Variants in BNC2 observed in about 807,000 individuals in gnomAD.
The protein encoded by BNC2 is basonuclin zinc finger protein 2.
In BNC2, 20 loss-of-function variants were observed where a neutral mutation model predicts 76.3. The observed-to-expected ratio is 0.26, with a 90% CI of 0.18 to 0.38. The LOEUF is 0.38. Among genes scored for constraint, BNC2 ranks in the 10% least tolerant of loss-of-function variants. BNC2 has a pLI of 1.00. For missense variants in BNC2, 1,382 were observed against 1,399.8 expected, an observed-to-expected ratio of 0.99 and a Z score of 0.20; for synonymous variants, 582 against 514.8, an observed-to-expected ratio of 1.13 and a Z score of -1.77.
rs1010000491 is a variant in BNC2 at position 16,436,060 on chromosome 9, T to A, written c.2134A>T (p.Thr712Ser). ...CGCTCAGGTTCTTGGTCTTCAGAAGTCATGCTGTCGGCCCTCCTTATTTCA... is the reference window on the plus strand; with the variant it reads ...CGCTCAGGTTCTTGGTCTTCAGAAGACATGCTGTCGGCCCTCCTTATTTCA... ...RTEIRRADSM[T>S]SEDQEPERDY... The change falls in exon 6 of 7, where the codon ACT becomes TCT. Residue 712 changes from threonine (T) to serine (S), a missense_variant. Physicochemically the swap from Thr to Ser is moderately conservative, Grantham distance 58. Around this residue, in one of 3 missense-constraint regions of BNC2, gnomAD observed 798 missense variants for 775.5 expected, o/e 1.03. Transcript: ENST00000380672. 1.2e-6 allele frequency: 2 copies of A among 1,614,062 alleles called. No homozygotes were observed. Among genetic ancestry groups the A allele is most frequent in the Non-Finnish European group, 1.7e-6 (2 of 1,180,048 alleles).
At chr9:16,513,299 CTTTTTTTTTTTTTTTT>C (rs1202222924) in intron 5 of BNC2, among the ~76,000 whole-genome samples, 1 of 85,560 alleles carries the variant, frequency 1.2e-5, no homozygotes, top group African/African-American at 4.7e-5. Context: ...AGAAAAGGTT[CTTTTTTTTTTTTTTTT>C]TTTTTTTTTG....
At position 16,571,485 on chromosome 9, in the gene BNC2, G is replaced by A. The variant is rs181042580; in HGVS notation, c.433+11498C>T. 2.1e-3 allele frequency among the ~76,000 whole-genome samples: 314 copies of A among 152,020 alleles called. 3 individuals carry two copies. The highest frequency in any genetic ancestry group is 6.8e-3 in the African/African-American group (284 of 41,480). ...AGATAGCTACTCGGTTTATGTAGCCGAAAGCAGAACCACACAGCCGTTGCT... is the reference window on the plus strand; with the variant it reads ...AGATAGCTACTCGGTTTATGTAGCCAAAAGCAGAACCACACAGCCGTTGCT... On this transcript the variant is annotated intron_variant, in intron 4 of 6. Transcript: ENST00000380672.
intron 3 of BNC2, among the ~76,000 whole-genome samples, chr9:16,639,110 C>A (rs899253367): frequency 6.6e-6 from 1 of 152,032 alleles, no homozygotes; most frequent in Non-Finnish European, 1.5e-5. Flanking sequence ...TTAATGTGAA[C>A]TTAATAAGTT....
chr9:16,644,784 G>C (rs1004325057), intron 3 of BNC2, among the ~76,000 whole-genome samples: 3 of 152,220 alleles, frequency 2.0e-5, no homozygotes, highest in Admixed American at 2.0e-4. Flanking sequence ...GAGGGGATGA[G>C]CTTCCCAATG....
rs551540955 is a variant in BNC2, at chr9:16,694,381, G to C, written c.330+33416C>G. ...ATGATTTTAAAAAAAAGTTTCAGTA[G>C]CATACACAGTTTAAGAGACAAATAC... On this transcript the variant is annotated intron_variant, in intron 3 of 6. Transcript: ENST00000380672. Among the ~76,000 whole-genome samples the C allele has an allele frequency of 1.5e-4, 23 of 152,244 alleles. No individual in the cohort carries two copies. In the South Asian group the frequency reaches 4.6e-3, roughly 30 times the overall value.
chr9:16,445,529 G>A (rs558064295), intron 5 of BNC2, among the ~76,000 whole-genome samples: 11 of 151,800 alleles, frequency 7.2e-5, no homozygotes, highest in South Asian at 2.1e-4. Flanking sequence ...TTTGGGTAAC[G>A]AAAGCCCTAC....
In BNC2 at chr9:16,435,979, C is replaced by T; in HGVS notation, c.2215G>A (p.Glu739Lys). The stretch of plus-strand genomic sequence containing the variant: ...TCGCTGTGAATGTGCTCATCCCCTT[C>T]CATGGATTCCTCGCCCAGTTTGGGC... Reference protein sequence around the residue: ...SEPKLGEESMEGDEHIHSEVS... With the variant: ...SEPKLGEESMKGDEHIHSEVS... Residue 739 changes from glutamate (E) to lysine (K), a missense_variant, in exon 6 of 7, where the codon GAA becomes AAA. Physicochemically the swap from Glu to Lys is moderately conservative, Grantham distance 56. Coordinates refer to ENST00000380672, the MANE Select transcript of BNC2 (RefSeq NM_017637.6). The T allele has an allele frequency of 6.2e-7, 1 of 1,614,196 alleles. No individual in the cohort carries two copies. Among genetic ancestry groups the T allele is most frequent in the Non-Finnish European group, 8.5e-7 (1 of 1,180,038 alleles).
At chr9:16,469,200 A>G (rs201647799) in intron 5 of BNC2, among the ~76,000 whole-genome samples, 23 of 56,616 alleles carry the variant, frequency 4.1e-4, no homozygotes, top group Non-Finnish European at 5.0e-4. Context: ...AAAAGTGAAC[A>G]TGCTCTCAAA....
rs145735862 is a variant in BNC2 at position 16,853,545 on chromosome 9, T to G, written c.3+17101A>C. ...ATTCTCTCCAACACCTCCCCTCACT[T>G]TATTTTCATTTCAGACACATTTTCA... is the stretch of plus-strand genomic sequence containing the variant. On this transcript the variant is annotated intron_variant, in intron 1 of 6. Coordinates refer to ENST00000380672, the MANE Select transcript of BNC2 (RefSeq NM_017637.6). Among the ~76,000 whole-genome samples, 169 of 152,290 alleles carry G rather than the reference T, an allele frequency of 1.1e-3. 1 individual carries two copies. The highest frequency in any genetic ancestry group is 6.8e-3 in the Middle Eastern group (2 of 294).
intron 1 of BNC2, among the ~76,000 whole-genome samples, chr9:16,791,237 A>G (rs1817502845): frequency 6.6e-6 from 1 of 151,848 alleles, no homozygotes; most frequent in Admixed American, 6.6e-5. Flanking sequence ...AATTTTTTGT[A>G]TTTTTAGTAG....
intron 1 of BNC2, among the ~76,000 whole-genome samples, chr9:16,803,312 C>G (rs560976924): frequency 6.6e-6 from 1 of 152,164 alleles, no homozygotes; most frequent in Non-Finnish European, 1.5e-5. Flanking sequence ...TGTTTTAGCC[C>G]TCAACTTTAG....
chr9:16,528,140 T>C lies in BNC2; in HGVS notation c.669+24390A>G, dbSNP rs1022469306. Among the ~76,000 whole-genome samples the C allele has an allele frequency of 5.3e-5, 8 of 152,206 alleles. No individual in the cohort carries two copies. In the South Asian group the frequency reaches 6.2e-4, roughly 12 times the overall value. ...AAGAAAAATCATGACAAAGAAACGATAGAGGTTTGGTCTTTACAATTTTGA... is the reference window on the plus strand; with the variant it reads ...AAGAAAAATCATGACAAAGAAACGACAGAGGTTTGGTCTTTACAATTTTGA... On this transcript the variant is annotated intron_variant, in intron 5 of 6. Coordinates refer to ENST00000380672, the MANE Select transcript of BNC2 (RefSeq NM_017637.6).
chr9:16,738,533 C>T, intron 1 of BNC2, 48 bp from the exon 2 acceptor site: 1 of 1,595,950 alleles, frequency 6.3e-7, no homozygotes. Flanking sequence ...GACAGTATTA[C>T]TTAAAAGCAT....
At chr9:16,490,400 G>T (rs1357156354) in intron 5 of BNC2, among the ~76,000 whole-genome samples, 1 of 152,080 alleles carries the variant, frequency 6.6e-6, no homozygotes, top group Non-Finnish European at 1.5e-5. Flanking sequence ...ACCTCCCCCT[G>T]GGTCCCTCCC....
chr9:16,814,740 TA>T (rs1306081615), intron 1 of BNC2, among the ~76,000 whole-genome samples: 2 of 152,170 alleles, frequency 1.3e-5, no homozygotes, highest in African/African-American at 4.8e-5. Context: ...AAATTCAACA[TA>T]ATGTGCCAAA....
chr9:16,536,081 T>G (rs1587142067), intron 5 of BNC2, among the ~76,000 whole-genome samples: 1 of 152,208 alleles, frequency 6.6e-6, no homozygotes, highest in South Asian at 2.1e-4. Context: ...ACCCACAGAC[T>G]TGTGAAAAAT....
At chr9:16,860,731 G>T (rs982135635) in intron 1 of BNC2, among the ~76,000 whole-genome samples, 5 of 152,108 alleles carry the variant, frequency 3.3e-5, no homozygotes, top group African/African-American at 1.2e-4. Flanking sequence ...TGCTTGAAAA[G>T]GCACCATCAA....
intron 5 of BNC2, among the ~76,000 whole-genome samples, chr9:16,439,035 A>C (rs2130885852): frequency 6.6e-6 from 1 of 152,222 alleles, no homozygotes; most frequent in Non-Finnish European, 1.5e-5. Flanking sequence ...ACAGTGAGTA[A>C]GTCTCATGAG....
chr9:16,834,898 G>A (rs1467655275), intron 1 of BNC2, among the ~76,000 whole-genome samples: 1 of 151,996 alleles, frequency 6.6e-6, no homozygotes, highest in African/African-American at 2.4e-5. Context: ...TCTACAAAGG[G>A]TAATACATCT....
Sources: allele counts gnomAD v4.1 joint callset (sites outside exome capture counted in the v4.1 genomes callset), GRCh38; gene constraint gnomAD v4.1.1; regional missense constraint gnomAD v4.1.1; transcripts MANE v1.5; gene names NCBI Gene and HGNC (gene_info 2026-07-23, HGNC 2026-07-21).